PRPF31: variants seen among roughly 807,000 people sequenced by gnomAD.
PRPF31 encodes the protein pre-mRNA processing factor 31.
In PRPF31, 12 loss-of-function variants were observed where a neutral mutation model predicts 60.4. The ratio of observed to expected loss-of-function variants is 0.20; its 90% CI spans 0.13 to 0.32. The LOEUF is 0.32. Ranked by LOEUF, PRPF31 falls within the 10% of genes least tolerant of loss-of-function variation. The pLI, the probability that PRPF31 is intolerant of heterozygous loss-of-function variation, is 1.00. For synonymous variants in PRPF31, 287 were observed against 287.9 expected, an observed-to-expected ratio of 1.00 and a Z score of 0.03; for missense variants, 431 against 687.1, an observed-to-expected ratio of 0.63 and a Z score of 4.17.
rs587727892 is a variant in PRPF31 at position 54,128,506 on chromosome 19, C to G, written c.1146+129C>G. ...GTCTAGGGCGCTGCCCCAGCCTCCCCCCCCCCGGCCTCTATTCTCGTTTCC... is the reference window on the plus strand; with the variant it reads ...GTCTAGGGCGCTGCCCCAGCCTCCCGCCCCCCGGCCTCTATTCTCGTTTCC... On this transcript the variant is annotated intron_variant, in intron 11 of 13. Transcript: ENST00000321030. The G allele has an allele frequency of 4.3e-6, 4 of 940,578 alleles. No homozygotes were observed. The African/African-American group carries it at 5.0e-5, about 12-fold the overall frequency. The allele number at this position is 940,578 out of a possible 1,614,324, so 58.3% of individuals were successfully genotyped here. A position where few individuals can be genotyped will look rare whatever the true frequency, so the allele number is the denominator to read the frequency against.
At chr19:54,124,417 C>G in intron 7 of PRPF31, 82 bp from the exon 8 acceptor site, 1 of 1,251,756 alleles carries the variant, frequency 8.0e-7, no homozygotes, top group Non-Finnish European at 1.2e-6. Context: ...CAGCACACGT[C>G]GAGCCCCCAG....
Position 54,122,751 on chromosome 19 carries a change from C to T in PRPF31, c.420+157C>T. Reference sequence around the variant, plus strand: ...CTGCCCAGCGTGGGAGGGACGGAGCCTGGACAGGACTTTCTCAGGGCTCCC... The same window carrying T: ...CTGCCCAGCGTGGGAGGGACGGAGCTTGGACAGGACTTTCTCAGGGCTCCC... On this transcript the variant is annotated intron_variant, in intron 5 of 13. Transcript: ENST00000321030. 4.2e-6 allele frequency: 3 copies of T among 716,850 alleles called. No homozygotes were observed. The East Asian group carries it at 8.0e-5, about 19-fold the overall frequency. 44.4% of individuals were successfully genotyped at this position (716,850 alleles called of 1,614,324 possible).
intron 13 of PRPF31, among the ~76,000 whole-genome samples, chr19:54,130,455 C>G (rs2146455065): frequency 6.6e-6 from 1 of 152,290 alleles, no homozygotes; most frequent in South Asian, 2.1e-4. Flanking sequence ...GAAACCCCGT[C>G]TCTACTAAAA....
intron 1 of PRPF31, 27 bp downstream of exon 1, chr19:54,115,824 C>T (rs1285365923): frequency 9.4e-6 from 2 of 213,074 alleles, no homozygotes; most frequent in South Asian, 1.5e-4. Flanking sequence ...CCACGGGGAG[C>T]GGGAGGCTGG....
At chr19:54,115,955 A>G (rs1208134316) in intron 1 of PRPF31, 158 bp downstream of exon 1, 1 of 160,554 alleles carries the variant, frequency 6.2e-6, no homozygotes, top group Non-Finnish European at 1.4e-5. Context: ...CAGGTTGGAG[A>G]GCAGTGGCGC....
rs1600355462 is a variant in PRPF31, at chr19:54,128,104, G to A, written c.977G>A (p.Arg326His). Residue 326 changes from arginine (R) to histidine (H), a missense_variant, in exon 10 of 14, where the codon CGC becomes CAC. Arg to His is a conservative substitution (Grantham distance 29). Coordinates refer to ENST00000321030, the MANE Select transcript of PRPF31 (RefSeq NM_015629.4). ...VGYELKDEIE[R>H]KFDKWQEPPP... is the part of the protein sequence containing the mutation. The stretch of plus-strand genomic sequence containing the variant: ...TACGAACTGAAGGATGAGATCGAGC[G>A]CAAATTCGACAAGTGGCAGGAGCCG... The A allele has an allele frequency of 7.7e-6, 12 of 1,549,820 alleles. No individual in the cohort carries two copies. Among genetic ancestry groups the A allele is most frequent in the East Asian group, 2.4e-5 (1 of 41,400 alleles).
At chr19:54,127,461 C>G (rs1173729615) in intron 9 of PRPF31, among the ~76,000 whole-genome samples, 1 of 152,156 alleles carries the variant, frequency 6.6e-6, no homozygotes, top group African/African-American at 2.4e-5. Context: ...CCAGGATAGT[C>G]TTCCCAGCTC....
intron 6 of PRPF31, 64 bp from the exon 7 acceptor site, chr19:54,123,685 G>A (rs1385538844): frequency 3.8e-6 from 6 of 1,591,398 alleles, no homozygotes; most frequent in Non-Finnish European, 5.1e-6. Context: ...GAACCGAGAG[G>A]GCTGGGGCTG....
chr19:54,126,689 CT>C, intron 9 of PRPF31, 72 bp downstream of exon 9: 1 of 1,436,470 alleles, frequency 7.0e-7, no homozygotes, highest in Non-Finnish European at 9.6e-7. Context: ...CAGGGAGACC[CT>C]CAGCAGGGAG....
Position 54,129,132 on chromosome 19 carries a change from C to T in PRPF31, c.1222C>T (p.Arg408Trp), listed in dbSNP as rs367896277. The stretch of plus-strand genomic sequence containing the variant: ...GGGCAAGTCGGGCAGTGGGCGTGTG[C>T]GGCAGACACAGGTAAACGAGGCCAC... ...HLGKSGSGRV[R>W]QTQVNEATKA... Residue 408 changes from arginine (R) to tryptophan (W), a missense_variant, in exon 12 of 14, where the codon CGG (arginine) becomes TGG (tryptophan). Physicochemically the swap from Arg to Trp is moderately radical, Grantham distance 101. This residue lies in a region of PRPF31 where 314 missense variants were observed against 475.3 expected (regional missense o/e 0.66). Transcript: ENST00000321030. 27 of 1,581,982 alleles carry T rather than the reference C, an allele frequency of 1.7e-5. No homozygotes were observed. Among genetic ancestry groups the T allele is most frequent in the Non-Finnish European group, 2.3e-5 (27 of 1,164,816 alleles).
At chr19:54,122,250 C>T (rs2073810220) in intron 4 of PRPF31, 1 of 623,578 alleles carries the variant, frequency 1.6e-6, no homozygotes, top group Non-Finnish European at 2.9e-6. Context: ...TCCGCATTCC[C>T]ACCAGCAAGG....
At chr19:54,131,232 TG>T (rs1441883335) in intron 13 of PRPF31, 74 bp from the exon 14 acceptor site, 9 of 1,585,026 alleles carry the variant, frequency 5.7e-6, no homozygotes, top group Non-Finnish European at 6.9e-6. Context: ...GGGAAGGGCC[TG>T]GGGGGCTCTG....
At chr19:54,122,959 T>G in intron 5 of PRPF31, 1 of 470,002 alleles carries the variant, frequency 2.1e-6, no homozygotes, top group Non-Finnish European at 3.9e-6. Context: ...GGGGAGGAAG[T>G]GAGGCGGGGA....
At chr19:54,116,589 G>A (rs1343994532) in intron 1 of PRPF31, among the ~76,000 whole-genome samples, 1 of 152,334 alleles carries the variant, frequency 6.6e-6, no homozygotes, top group East Asian at 1.9e-4. Flanking sequence ...AAAATTGTTC[G>A]CTACCCTCTT....
chr19:54,131,024 T>C (rs1449467951), intron 13 of PRPF31, among the ~76,000 whole-genome samples: 1 of 152,190 alleles, frequency 6.6e-6, no homozygotes, highest in East Asian at 1.9e-4. Context: ...CTCAGTTTCC[T>C]TATGCAGAAA....
rs587738777 is a variant in PRPF31 at position 54,115,790 on chromosome 19, G to A, written c.-16G>A. 2 of 240,720 alleles carry A rather than the reference G, an allele frequency of 8.3e-6. No homozygotes were observed. Among genetic ancestry groups the A allele is most frequent in the South Asian group, 1.0e-4 (1 of 9,654 alleles). 14.9% of individuals were successfully genotyped at this position (240,720 alleles called of 1,614,324 possible). On this transcript the variant is annotated 5_prime_UTR_variant, in exon 1 of 14. Coordinates refer to ENST00000321030, the MANE Select transcript of PRPF31 (RefSeq NM_015629.4). The stretch of plus-strand genomic sequence containing the variant: ...AACGCTAGAAACAGTGGTGCGCGGA[G>A]AGGAGAGGTGAGTGTGATGGGGACC...
chr19:54,122,068 GTCACAGA>G (rs1257768973), intron 4 of PRPF31, 125 bp downstream of exon 4: 2 of 990,304 alleles, frequency 2.0e-6, no homozygotes, highest in African/African-American at 3.2e-5. Context: ...TTGACCTGCT[GTCACAGA>G]GTGGCTGAAA....
intron 11 of PRPF31, 135 bp downstream of exon 11, chr19:54,128,512 C>T (rs866692541): frequency 7.5e-6 from 7 of 929,808 alleles, no homozygotes; most frequent in African/African-American, 3.3e-5. Flanking sequence ...TCCCCCCCCC[C>T]GGCCTCTATT....
At chr19:54,124,018 G>A (rs2073859802) in intron 7 of PRPF31, 100 bp downstream of exon 7, 1 of 1,569,160 alleles carries the variant, frequency 6.4e-7, no homozygotes, top group African/African-American at 1.3e-5. Context: ...TTGGCACCTG[G>A]ACCTCAGCAC....
Sources: allele counts gnomAD v4.1 joint callset (sites outside exome capture counted in the v4.1 genomes callset), GRCh38; gene constraint gnomAD v4.1.1; regional missense constraint gnomAD v4.1.1; transcripts MANE v1.5; gene names NCBI Gene and HGNC (gene_info 2026-07-23, HGNC 2026-07-21).